MALT1: variants seen among roughly 807,000 people sequenced by gnomAD.
The protein encoded by MALT1 is MALT1 paracaspase.
MALT1 carries 36 observed loss-of-function variants against 85.5 expected under a neutral mutation model. The observed-to-expected ratio is 0.42, with a 90% CI of 0.32 to 0.56. MALT1 has a LOEUF of 0.56. Ranked by LOEUF, MALT1 falls within the 20% of genes least tolerant of loss-of-function variation. The pLI, the probability that MALT1 is intolerant of heterozygous loss-of-function variation, is 0.10. For synonymous variants in MALT1, 359 were observed against 361.3 expected, an observed-to-expected ratio of 0.99 and a Z score of 0.07; for missense variants, 716 against 981.6, an observed-to-expected ratio of 0.73 and a Z score of 3.62.
intron 10 of MALT1, among the ~76,000 whole-genome samples, chr18:58,725,078 C>A (rs1369434811): frequency 6.7e-6 from 1 of 149,486 alleles, no homozygotes; most frequent in African/African-American, 2.5e-5. Context: ...TGCAGTAAGC[C>A]GAGATCACAC....
At chr18:58,705,230 T>C (rs1398936319) in intron 4 of MALT1, among the ~76,000 whole-genome samples, 1 of 152,144 alleles carries the variant, frequency 6.6e-6, no homozygotes, top group Non-Finnish European at 1.5e-5. Context: ...CCCCCCATTG[T>C]ATATTTGTTG....
chr18:58,672,739 A>C (rs548129844), intron 1 of MALT1: 1 of 152,336 alleles, frequency 6.6e-6, no homozygotes, highest in South Asian at 2.1e-4. Flanking sequence ...ATTGGTTTTC[A>C]TTTTGAAGAT....
chr18:58,710,807 C>T, intron 6 of MALT1, 114 bp from the exon 7 acceptor site: 2 of 651,392 alleles, frequency 3.1e-6, no homozygotes, highest in Non-Finnish European at 5.4e-6. Flanking sequence ...GGTATTGATG[C>T]ATGTGTTGGT....
At position 58,748,707 on chromosome 18, in the gene MALT1, A is replaced by C. The variant is rs1568160083; in HGVS notation, c.*865A>C. On this transcript the variant is annotated 3_prime_UTR_variant, in exon 17 of 17. Coordinates refer to ENST00000649217, the MANE Select transcript of MALT1 (RefSeq NM_006785.4). ...TGAATTTCACTGGCCTAATGAGATAATACTCTTATCTTTGGCTCTACCTAA... is the reference window on the plus strand; with the variant it reads ...TGAATTTCACTGGCCTAATGAGATACTACTCTTATCTTTGGCTCTACCTAA... 1 of 194,668 alleles carries C rather than the reference A, an allele frequency of 5.1e-6. No homozygotes were observed. The highest frequency in any genetic ancestry group is 2.3e-5 in the African/African-American group (1 of 43,236). 12.1% of individuals were successfully genotyped at this position (194,668 alleles called of 1,614,324 possible). A position where few individuals can be genotyped will look rare whatever the true frequency, so the allele number is the denominator to read the frequency against.
chr18:58,744,927 G>A (rs1019621057), intron 15 of MALT1, among the ~76,000 whole-genome samples: 5 of 151,656 alleles, frequency 3.3e-5, no homozygotes, highest in African/African-American at 1.2e-4. Context: ...ATTTTACGTT[G>A]GTCTAAAGAA....
At chr18:58,679,905 T>C (rs964697015) in intron 1 of MALT1, among the ~76,000 whole-genome samples, 1 of 152,082 alleles carries the variant, frequency 6.6e-6, no homozygotes, top group African/African-American at 2.4e-5. Context: ...TTTTTAAAAA[T>C]TATCAAAAGA....
chr18:58,728,597 C>T (rs2055099489), intron 10 of MALT1, among the ~76,000 whole-genome samples: 1 of 151,906 alleles, frequency 6.6e-6, no homozygotes, highest in Non-Finnish European at 1.5e-5. Flanking sequence ...AGAGCAAGAC[C>T]CTGTCTCAAA....
chr18:58,714,877 ATTAC>A (rs554955453), intron 8 of MALT1, among the ~76,000 whole-genome samples: 53 of 152,158 alleles, frequency 3.5e-4, no homozygotes, highest in Non-Finnish European at 1.5e-4. Context: ...AGAAAACCCT[ATTAC>A]TTCTCCACTT....
At chr18:58,697,345 T>C (rs2054604829) in intron 3 of MALT1, 1 of 152,228 alleles carries the variant, frequency 6.6e-6, no homozygotes, top group Admixed American at 6.5e-5. Flanking sequence ...TGTGGTTTTA[T>C]ACGATTTTGT....
intron 10 of MALT1, among the ~76,000 whole-genome samples, chr18:58,732,888 G>A (rs1379104153): frequency 6.6e-6 from 1 of 151,858 alleles, no homozygotes; most frequent in East Asian, 1.9e-4. Flanking sequence ...CAAATTTTAA[G>A]TGCAGACTGT....
chr18:58,753,121 A>G lies in MALT1; in HGVS notation c.*5279A>G, dbSNP rs2055468865. The G allele has an allele frequency of 6.6e-6, 1 of 152,188 alleles. No homozygotes were observed. Among genetic ancestry groups the G allele is most frequent in the African/African-American group, 2.4e-5 (1 of 41,444 alleles). 9.4% of individuals were successfully genotyped at this position (152,188 alleles called of 1,614,324 possible). A position where few individuals can be genotyped will look rare whatever the true frequency, so the allele number is the denominator to read the frequency against. ...AGTGCCAGCATTTTGAAAAGCATCA[A>G]CCCATCAACCTTGTGCTTTAAATCT... is the stretch of plus-strand genomic sequence containing the variant. On this transcript the variant is annotated 3_prime_UTR_variant, in exon 17 of 17. Transcript: ENST00000649217.
chr18:58,677,115 A>C (rs1230260582), intron 1 of MALT1, among the ~76,000 whole-genome samples: 1 of 152,174 alleles, frequency 6.6e-6, no homozygotes, highest in Non-Finnish European at 1.5e-5. Flanking sequence ...GTAACTTAAA[A>C]AGGAAAGAAA....
chr18:58,701,884 A>G (rs889165537), intron 4 of MALT1, among the ~76,000 whole-genome samples: 3 of 152,208 alleles, frequency 2.0e-5, no homozygotes, highest in Admixed American at 1.3e-4. Context: ...CAAACACTCA[A>G]TAACCAATAG....
rs536012848 is a variant in MALT1, at chr18:58,740,625, TAGTC to T, written c.1604-1239_1604-1236del. Among the ~76,000 whole-genome samples, 28 of 152,276 alleles carry T rather than the reference TAGTC, an allele frequency of 1.8e-4. No homozygotes were observed. In the South Asian group the frequency reaches 3.7e-3, roughly 20 times the overall value. ...CCTTAATTGCTTTGTGATCGAATAA[TAGTC>T]TGTCTAATTGCTATGCTTTGAAATT... On this transcript the variant is annotated intron_variant, in intron 13 of 16. Transcript: ENST00000649217.
At chr18:58,738,117 C>A (rs1175745112) in intron 13 of MALT1, among the ~76,000 whole-genome samples, 1 of 152,114 alleles carries the variant, frequency 6.6e-6, no homozygotes, top group Non-Finnish European at 1.5e-5. Context: ...CTTCTCCCTT[C>A]CCCCACTCCA....
intron 2 of MALT1, among the ~76,000 whole-genome samples, chr18:58,681,892 G>A (rs978441951): frequency 2.6e-5 from 4 of 152,166 alleles, no homozygotes; most frequent in African/African-American, 4.8e-5. Context: ...ATCAGGCGAG[G>A]CTTAGGAAAC....
In MALT1 at chr18:58,734,203, T is replaced by C. The variant is rs572063643; in HGVS notation, c.1401-104T>C. 2.2e-4 allele frequency: 238 copies of C among 1,073,852 alleles called. 1 individual carries two copies. The highest frequency in any genetic ancestry group is 1.0e-4 in the Non-Finnish European group (76 of 748,422). The allele number at this position is 1,073,852 out of a possible 1,614,324, so 66.5% of individuals were successfully genotyped here. ...ATTTTGAATCTATAATTTTAAATTA[T>C]GTATTCTAAAAAACTGTTGTATTTT... On this transcript the variant is annotated intron_variant, in intron 11 of 16. Coordinates refer to ENST00000649217, the MANE Select transcript of MALT1 (RefSeq NM_006785.4).
rs989633851 is a variant in MALT1, at chr18:58,750,105, A to G, written c.*2263A>G. On this transcript the variant is annotated 3_prime_UTR_variant, in exon 17 of 17. Coordinates refer to ENST00000649217, the MANE Select transcript of MALT1 (RefSeq NM_006785.4). ...TAGTTGTATATAGAAAATGCTAAAG[A>G]ATCCATAAAAAGTAATAAATGAGTT... 2 of 185,662 alleles carry G rather than the reference A, an allele frequency of 1.1e-5. No individual in the cohort carries two copies. Among genetic ancestry groups the G allele is most frequent in the African/African-American group, 4.7e-5 (2 of 42,706 alleles). The allele number at this position is 185,662 out of a possible 1,614,324, so 11.5% of individuals were successfully genotyped here. A position where few individuals can be genotyped will look rare whatever the true frequency, so the allele number is the denominator to read the frequency against.
At chr18:58,721,240 G>A (rs1452366862) in intron 9 of MALT1, among the ~76,000 whole-genome samples, 1 of 152,154 alleles carries the variant, frequency 6.6e-6, no homozygotes, top group African/African-American at 2.4e-5. Context: ...TTAGCTGGGC[G>A]TGGTGGCGCA....
Sources: gnomAD v4.1 joint callset for allele counts (sites outside exome capture counted in the v4.1 genomes callset) on GRCh38, gnomAD v4.1.1 for gene constraint, MANE v1.5 for transcripts, NCBI Gene and HGNC (gene_info 2026-07-23, HGNC 2026-07-21) for gene names.